GPHN: variants seen among roughly 807,000 people sequenced by gnomAD.
GPHN encodes the protein gephyrin.
GPHN carries 17 observed loss-of-function variants against 95.5 expected under a neutral mutation model. The observed-to-expected ratio is 0.18, with a 90% CI of 0.12 to 0.27. GPHN has a LOEUF of 0.27. Ranked by LOEUF, GPHN falls within the 10% of genes least tolerant of loss-of-function variation. GPHN has a pLI of 1.00. For missense variants in GPHN, 660 were observed against 978.1 expected, an observed-to-expected ratio of 0.67 and a Z score of 4.34; for synonymous variants, 320 against 322.5, an observed-to-expected ratio of 0.99 and a Z score of 0.08.
At chr14:67,586,898 A>C in the GPHN span, 3 of 1,531,092 alleles carry the variant, frequency 2.0e-6, no homozygotes, top group Non-Finnish European at 2.6e-6. Context: ...AGCCCACACC[A>C]CTGGGCCTCT....
the GPHN span, chr14:67,734,088 A>G: frequency 2.5e-6 from 1 of 394,652 alleles, no homozygotes; most frequent in Non-Finnish European, 4.9e-6. Flanking sequence ...AAAGTCAGCA[A>G]CCCTCTGGGG....
the GPHN span, among the ~76,000 whole-genome samples, chr14:67,250,529 A>G: frequency 1.3e-5 from 2 of 152,330 alleles, no homozygotes; most frequent in African/African-American, 4.8e-5. Context: ...TATTAAACAA[A>G]AAATTCTAGT....
chr14:67,089,454 C>T (rs2077061502), intron 12 of GPHN, among the ~76,000 whole-genome samples: 1 of 152,108 alleles, frequency 6.6e-6, no homozygotes, highest in Non-Finnish European at 1.5e-5. Flanking sequence ...GTATCTGTCA[C>T]ATCAAGTGTT....
the GPHN span, among the ~76,000 whole-genome samples, chr14:67,702,267 C>T: frequency 1.3e-5 from 2 of 152,112 alleles, no homozygotes; most frequent in African/African-American, 4.8e-5. Context: ...CCATGCCTGG[C>T]CTGTGCTCAG....
the GPHN span, among the ~76,000 whole-genome samples, chr14:67,623,483 G>C: frequency 2.2e-5 from 3 of 133,540 alleles, no homozygotes; most frequent in East Asian, 2.3e-4. Context: ...GTCTGGGCTT[G>C]TTTTATTTCC....
chr14:67,145,476 A>T (rs748237731), intron 18 of GPHN, among the ~76,000 whole-genome samples: 1 of 152,196 alleles, frequency 6.6e-6, no homozygotes, highest in East Asian at 1.9e-4. Flanking sequence ...CTGTATAATA[A>T]GATACTTACA....
rs180676959 is a variant in GPHN, at chr14:67,131,835, A to G, written c.1748+9458A>G. Among the ~76,000 whole-genome samples the G allele has an allele frequency of 1.4e-3, 216 of 152,338 alleles. 1 individual carries two copies. The highest frequency in any genetic ancestry group is 1.9e-3 in the Non-Finnish European group (127 of 68,024). ...AAATTTCAGCATTAATTGAGTTTATATAATTCCTCAAACTGATTTTAAGTA... is the reference window on the plus strand; with the variant it reads ...AAATTTCAGCATTAATTGAGTTTATGTAATTCCTCAAACTGATTTTAAGTA... On this transcript the variant is annotated intron_variant, in intron 17 of 22. Coordinates refer to ENST00000478722, the MANE Select transcript of GPHN (RefSeq NM_020806.5).
At chr14:67,492,170 G>A in the GPHN span, among the ~76,000 whole-genome samples, 3 of 151,576 alleles carry the variant, frequency 2.0e-5, no homozygotes, top group Non-Finnish European at 2.9e-5. Flanking sequence ...CAACTCCATC[G>A]CCTTGGAGGG....
At chr14:67,602,954 T>C in the GPHN span, among the ~76,000 whole-genome samples, 3 of 152,258 alleles carry the variant, frequency 2.0e-5, no homozygotes, top group Admixed American at 6.5e-5. Context: ...TTATACATTT[T>C]AAAGCATTAT....
At chr14:67,366,281 C>T in the GPHN span, among the ~76,000 whole-genome samples, 618 of 152,160 alleles carry the variant, frequency 4.1e-3, 18 homozygotes, top group East Asian at 0.059. Context: ...TGCTGTGTTG[C>T]CCAGGCTAGT....
chr14:66,650,204 G>A (rs528263011), intron 1 of GPHN, among the ~76,000 whole-genome samples: 299 of 152,106 alleles, frequency 2.0e-3, no homozygotes, highest in African/African-American at 6.7e-3. Context: ...TGTAATATGT[G>A]GTGACTGGCT....
At chr14:67,053,052 A>T (rs1295835722) in intron 10 of GPHN, among the ~76,000 whole-genome samples, 1 of 146,504 alleles carries the variant, frequency 6.8e-6, no homozygotes, top group East Asian at 1.9e-4. Context: ...AACCAAGAGC[A>T]AAAAAGAAAA....
intron 4 of GPHN, among the ~76,000 whole-genome samples, chr14:66,877,913 C>T (rs2063743490): frequency 6.6e-6 from 1 of 152,170 alleles, no homozygotes; most frequent in African/African-American, 2.4e-5. Flanking sequence ...GCCCTTGTAG[C>T]CAAGACAATC....
chr14:67,508,297 G>A, the GPHN span, among the ~76,000 whole-genome samples: 1 of 152,076 alleles, frequency 6.6e-6, no homozygotes, highest in Non-Finnish European at 1.5e-5. Flanking sequence ...GACCAGCTGA[G>A]TTATTTCCTG....
At chr14:67,242,627 A>ATT in the GPHN span, among the ~76,000 whole-genome samples, 358 of 146,400 alleles carry the variant, frequency 2.4e-3, 5 homozygotes, top group African/African-American at 8.4e-3. Context: ...AAGAACTACG[A>ATT]TTTTTTTTTT....
chr14:66,732,793 G>C (rs2071904312), intron 2 of GPHN, among the ~76,000 whole-genome samples: 1 of 152,158 alleles, frequency 6.6e-6, no homozygotes, highest in Non-Finnish European at 1.5e-5. Flanking sequence ...GGGGTTACAG[G>C]AATGAGCCAC....
the GPHN span, among the ~76,000 whole-genome samples, chr14:67,202,600 TG>T: frequency 6.6e-6 from 1 of 152,242 alleles, no homozygotes; most frequent in African/African-American, 2.4e-5. Flanking sequence ...GGCAAGAGTT[TG>T]TGGAATTTAT....
the GPHN span, among the ~76,000 whole-genome samples, chr14:67,660,774 T>C: frequency 1.4e-4 from 22 of 152,222 alleles, no homozygotes; most frequent in African/African-American, 5.3e-4. Context: ...CATAGGATTA[T>C]TACTTTTGCT....
At chr14:67,193,454 TATATCTAG>T in the GPHN span, among the ~76,000 whole-genome samples, 41 of 143,294 alleles carry the variant, frequency 2.9e-4, no homozygotes, top group South Asian at 2.2e-3. Flanking sequence ...CAGATCTCTA[TATATCTAG>T]ATATCTAGAT....
Sources: gnomAD v4.1 joint callset for allele counts (sites outside exome capture counted in the v4.1 genomes callset) on GRCh38, gnomAD v4.1.1 for gene constraint, MANE v1.5 for transcripts, NCBI Gene and HGNC (gene_info 2026-07-23, HGNC 2026-07-21) for gene names.